NSL1: variants seen among roughly 807,000 people sequenced by gnomAD.
The protein encoded by NSL1 is kinetochore-associated protein NSL1 homolog.
Under a neutral mutation model 25.4 loss-of-function variants are expected in NSL1, and 11 were observed. The ratio of observed to expected loss-of-function variants is 0.43; its 90% confidence interval spans 0.27 to 0.72. The LOEUF is 0.72. Ranked by LOEUF, NSL1 falls within the 30% of genes least tolerant of loss-of-function variation. The pLI is 0.19. For synonymous variants in NSL1, 118 were observed against 120.6 expected (o/e 0.98, Z 0.14); for missense variants, 330 against 342.7 (o/e 0.96, Z 0.29).
In NSL1 at chr1:212,784,350, CA is replaced by C. The variant is rs1660852732; in HGVS notation, c.444+12del. On this transcript the variant is annotated intron_variant, in intron 3 of 5. Coordinates refer to ENST00000366977, the MANE Select transcript of NSL1 (RefSeq NM_015471.4). ...AAAATATACTATAACATTTTAAAGG[CA>C]AATCATCTTACCAGAATTTCTTGTT... 11 of 1,548,016 alleles carry C rather than the reference CA, an allele frequency of 7.1e-6. No homozygotes were observed. In the East Asian group the frequency reaches 2.5e-4, roughly 35 times the overall value.
At chr1:212,768,499 C>T (rs1481584438) in intron 4 of NSL1, among the ~76,000 whole-genome samples, 1 of 152,122 alleles carries the variant, frequency 6.6e-6, no homozygotes, top group Non-Finnish European at 1.5e-5. Flanking sequence ...AAATGCCCAT[C>T]AACCAACTAG....
chr1:212,784,320 G>T, intron 3 of NSL1, 43 bp downstream of exon 3: 2 of 1,359,452 alleles, frequency 1.5e-6, no homozygotes, highest in East Asian at 2.3e-5. Flanking sequence ...TGTTTTTATT[G>T]TGGTAAAATA....
intron 4 of NSL1, among the ~76,000 whole-genome samples, chr1:212,761,951 A>G (rs1180652244): frequency 6.7e-6 from 1 of 148,368 alleles, no homozygotes. Flanking sequence ...ATACAGTAAC[A>G]CTAATGACAG....
intron 4 of NSL1, among the ~76,000 whole-genome samples, chr1:212,761,252 G>GA (rs1443418365): frequency 6.6e-6 from 1 of 152,166 alleles, no homozygotes; most frequent in Admixed American, 6.5e-5. Context: ...AGATTCCAGT[G>GA]AAAAAGAAAT....
At chr1:212,784,303 A>T (rs1053615688) in intron 3 of NSL1, 60 bp downstream of exon 3, 8 of 1,212,930 alleles carry the variant, frequency 6.6e-6, no homozygotes, top group Non-Finnish European at 8.2e-6. Context: ...AGAGCCTTAT[A>T]TTTTAATGTT....
intron 4 of NSL1, among the ~76,000 whole-genome samples, chr1:212,750,221 G>T (rs896542892): frequency 6.6e-6 from 1 of 151,942 alleles, no homozygotes; most frequent in Non-Finnish European, 1.5e-5. Flanking sequence ...AGGAGGGTGA[G>T]ATCAATCTAA....
At chr1:212,784,177 T>C (rs1458884276) in intron 3 of NSL1, 186 bp downstream of exon 3, 4 of 367,978 alleles carry the variant, frequency 1.1e-5, no homozygotes, top group African/African-American at 2.1e-5. Flanking sequence ...AAACACAGTA[T>C]AGTATGACTA....
chr1:212,745,160 CTATATATA>C lies in NSL1; in HGVS notation c.500-5567_500-5560del, dbSNP rs59293969. Among the ~76,000 whole-genome samples the C allele has an allele frequency of 6.7e-3, 793 of 117,526 alleles. 4 individuals carry two copies. The highest frequency in any genetic ancestry group is 0.017 in the African/African-American group (415 of 24,662). The allele number at this position is 117,526 out of a possible 152,430, so 77.1% of individuals were successfully genotyped here. ...CAAAACAAACAAACAAACAAACAAA[CTATATATA>C]TATATATATATATATATATATATAT... On this transcript the variant is annotated intron_variant, in intron 4 of 5. Transcript: ENST00000366977.
chr1:212,789,172 A>T (rs988692318), intron 1 of NSL1, among the ~76,000 whole-genome samples: 1 of 152,166 alleles, frequency 6.6e-6, no homozygotes, highest in Admixed American at 6.5e-5. Context: ...CATTTCAAAG[A>T]TTTCATAAAG....
chr1:212,742,015 A>C (rs1267835813), intron 4 of NSL1, among the ~76,000 whole-genome samples: 2 of 152,164 alleles, frequency 1.3e-5, no homozygotes, highest in Non-Finnish European at 2.9e-5. Context: ...TGTGTAGAAT[A>C]AATTTCTCAA....
Position 212,737,669 on chromosome 1 carries a change from T to G in NSL1, c.*739A>C. The G allele has an allele frequency of 1.0e-6, 1 of 959,198 alleles. No individual in the cohort carries two copies. The highest frequency in any genetic ancestry group is 1.2e-6 in the Non-Finnish European group (1 of 806,128). 59.4% of individuals were successfully genotyped at this position (959,198 alleles called of 1,614,324 possible). A position where few individuals can be genotyped will look rare whatever the true frequency, so the allele number is the denominator to read the frequency against. Reference sequence around the variant, plus strand: ...TGAACTGGAATGATTTGTAAAGAAATAAATAAGAAACCCTAAAAAGAAACC... The same window carrying G: ...TGAACTGGAATGATTTGTAAAGAAAGAAATAAGAAACCCTAAAAAGAAACC... On this transcript the variant is annotated 3_prime_UTR_variant, in exon 6 of 6. Coordinates refer to ENST00000366977, the MANE Select transcript of NSL1 (RefSeq NM_015471.4).
Position 212,782,406 on chromosome 1 carries a change from T to C in NSL1, c.465A>G (p.Val155=), listed in dbSNP as rs2102401898. 6.2e-7 allele frequency: 1 copy of C among 1,610,674 alleles called. No individual in the cohort carries two copies. Among genetic ancestry groups the C allele is most frequent in the Non-Finnish European group, 8.5e-7 (1 of 1,176,888 alleles). ...QEILKQYHPV[V]HPLDLKYDPD... The stretch of plus-strand genomic sequence containing the variant: ...GGTCATATTTTAGGTCCAGTGGATG[T>C]ACAACAGGGTGGTACTGCTTCTAAA... Residue 155 remains valine (V), a synonymous_variant, in exon 4 of 6, where the codon GTA becomes GTG. Coordinates refer to ENST00000366977, the MANE Select transcript of NSL1 (RefSeq NM_015471.4).
chr1:212,786,857 A>G (rs1051315956), intron 2 of NSL1, among the ~76,000 whole-genome samples: 4 of 152,190 alleles, frequency 2.6e-5, no homozygotes, highest in African/African-American at 9.6e-5. Context: ...TTAATTTAAC[A>G]TATTTCATAG....
At chr1:212,753,775 G>C (rs1415813841) in intron 4 of NSL1, among the ~76,000 whole-genome samples, 4 of 152,202 alleles carry the variant, frequency 2.6e-5, no homozygotes, top group African/African-American at 4.8e-5. Context: ...AGTTTTGTGA[G>C]AGAGCATAAA....
chr1:212,752,889 CAA>C lies in NSL1; in HGVS notation c.500-13290_500-13289del, dbSNP rs11284993. ...AGCCTGCCCAAATTCAGAAATTCAG[CAA>C]AAAAAAAAAAAAGCACTAAGTGAGT... On this transcript the variant is annotated intron_variant, in intron 4 of 5. Coordinates refer to ENST00000366977, the MANE Select transcript of NSL1 (RefSeq NM_015471.4). Among the ~76,000 whole-genome samples, 876 of 133,878 alleles carry C rather than the reference CAA, an allele frequency of 6.5e-3. 10 individuals are homozygous for C. Among genetic ancestry groups the C allele is most frequent in the African/African-American group, 0.021 (804 of 38,336 alleles). The allele number at this position is 133,878 out of a possible 152,430, so 87.8% of individuals were successfully genotyped here. A position where few individuals can be genotyped will look rare whatever the true frequency, so the allele number is the denominator to read the frequency against.
chr1:212,776,720 A>AAAC lies in NSL1; in HGVS notation c.499+5649_499+5651dup, dbSNP rs563943797. 5.7e-5 allele frequency among the ~76,000 whole-genome samples: 7 copies of AAAC among 122,786 alleles called. No individual in the cohort carries two copies. The Middle Eastern group carries it at 0.016, about 276-fold the overall frequency. 80.6% of individuals were successfully genotyped at this position (122,786 alleles called of 152,430 possible). ...GAAAACGGTAAAACAAAACAAAACA[A>AAAC]AACAACAACAACAACAACAAAAAAA... is the stretch of plus-strand genomic sequence containing the variant. On this transcript the variant is annotated intron_variant, in intron 4 of 5. Coordinates refer to ENST00000366977, the MANE Select transcript of NSL1 (RefSeq NM_015471.4).
In NSL1 at chr1:212,729,359, G is replaced by T; in HGVS notation, c.*9049C>A. 1 of 981,150 alleles carries T rather than the reference G, an allele frequency of 1.0e-6. No homozygotes were observed. Among genetic ancestry groups the T allele is most frequent in the Non-Finnish European group, 1.2e-6 (1 of 826,074 alleles). 60.8% of individuals were successfully genotyped at this position (981,150 alleles called of 1,614,324 possible). A position where few individuals can be genotyped will look rare whatever the true frequency, so the allele number is the denominator to read the frequency against. ...GCTTGTGGGCAGGGTCTGTGCCTTG[G>T]TTTACAGGTGTACATCCACACAGCT... On this transcript the variant is annotated 3_prime_UTR_variant, in exon 6 of 6. Coordinates refer to ENST00000366977, the MANE Select transcript of NSL1 (RefSeq NM_015471.4).
rs1657903303 is a variant in NSL1 at position 212,729,084 on chromosome 1, G to A, written c.*9324C>T. ...TTACAAGAAAAATAAATTGCAGTAA[G>A]TGTTAAAACTTGCCAGTCAATTACA... On this transcript the variant is annotated 3_prime_UTR_variant, in exon 6 of 6. Coordinates refer to ENST00000366977, the MANE Select transcript of NSL1 (RefSeq NM_015471.4). 1.0e-6 allele frequency: 1 copy of A among 985,306 alleles called. No individual in the cohort carries two copies. The highest frequency in any genetic ancestry group is 1.1e-4 in the East Asian group (1 of 8,832). 61.0% of individuals were successfully genotyped at this position (985,306 alleles called of 1,614,324 possible). A position where few individuals can be genotyped will look rare whatever the true frequency, so the allele number is the denominator to read the frequency against.
At chr1:212,741,766 T>G (rs1442605680) in intron 4 of NSL1, among the ~76,000 whole-genome samples, 1 of 152,190 alleles carries the variant, frequency 6.6e-6, no homozygotes, top group East Asian at 1.9e-4. Context: ...AGCTGAGCAG[T>G]AGGTACTTAT....
Sources: allele counts gnomAD v4.1 joint callset (sites outside exome capture counted in the v4.1 genomes callset), GRCh38; gene constraint gnomAD v4.1.1; transcripts MANE v1.5; gene names NCBI Gene and HGNC (gene_info 2026-07-23, HGNC 2026-07-21).